LRBA: variants seen among roughly 807,000 people sequenced by gnomAD.
LRBA encodes the protein LPS responsive beige-like anchor protein, also known as lipopolysaccharide-responsive and beige-like anchor protein.
LRBA carries 176 observed loss-of-function variants against 330.0 expected under a neutral mutation model. That is an observed-to-expected ratio of 0.53 (90% CI 0.47 to 0.60). The LOEUF (loss-of-function observed/expected upper bound fraction) is 0.60. Ranked by LOEUF, LRBA falls within the 20% of genes least tolerant of loss-of-function variation. LRBA has a pLI of 0.00. For missense variants in LRBA, 3,259 were observed against 3,444.8 expected, an observed-to-expected ratio of 0.95 and a Z score of 1.35; for synonymous variants, 1,230 against 1,193.0, an observed-to-expected ratio of 1.03 and a Z score of -0.64.
Position 150,583,378 on chromosome 4 carries a change from A to G in LRBA, c.6330+4670T>C. ...GAGCATGTCTCTCTGGGTCGAGTTC[A>G]TCACGGCGTCGGGCTATCTCTCAGC... is the stretch of plus-strand genomic sequence containing the variant. On this transcript the variant is annotated intron_variant, in intron 40 of 56. Coordinates refer to ENST00000651943, the MANE Select transcript of LRBA (RefSeq NM_001364905.1). This position sits in a 1 kb window ranked among gnomAD's most constrained non-coding sequence, Gnocchi z 9.8. 2 of 1,614,140 alleles carry G rather than the reference A, an allele frequency of 1.2e-6. No individual in the cohort carries two copies. The highest frequency in any genetic ancestry group is 1.7e-6 in the Non-Finnish European group (2 of 1,180,040).
At chr4:150,495,350 G>C (rs985076489) in intron 40 of LRBA, among the ~76,000 whole-genome samples, 25 of 152,046 alleles carry the variant, frequency 1.6e-4, no homozygotes. Context: ...AGTTAAACAT[G>C]ACAAAGTCTA....
chr4:150,961,141 G>C (rs879523424), intron 2 of LRBA, among the ~76,000 whole-genome samples: 9 of 149,216 alleles, frequency 6.0e-5, no homozygotes, highest in Non-Finnish European at 1.0e-4. Flanking sequence ...CTGTAGATGA[G>C]ATTCAGCTGT....
intron 2 of LRBA, among the ~76,000 whole-genome samples, chr4:150,985,007 C>T (rs1454178185): frequency 6.6e-6 from 1 of 152,128 alleles, no homozygotes; most frequent in Non-Finnish European, 1.5e-5. Flanking sequence ...CCCGTAATCC[C>T]AGTACTTTGG....
Position 150,277,902 on chromosome 4 carries a change from G to T in LRBA, c.8419C>A (p.Pro2807Thr), listed in dbSNP as rs763461852. The stretch of plus-strand genomic sequence containing the variant: ...GCCCGGATTCCAGCGTCACATCCTG[G>T]ATAGGCAAAGAGCTGCTTGAGGTCC... ...VSDLKQLFAY[P>T]GCDAGIRAMA... is the part of the protein sequence containing the mutation. The change falls in exon 56 of 57, where the codon CCA (proline) becomes ACA (threonine). Residue 2807 changes from proline to threonine, a missense_variant. Coordinates refer to ENST00000651943, the MANE Select transcript of LRBA (RefSeq NM_001364905.1). 5 of 1,614,124 alleles carry T rather than the reference G, an allele frequency of 3.1e-6. 1 individual carries two copies. The South Asian group carries it at 5.5e-5, about 18-fold the overall frequency.
chr4:150,942,857 A>G lies in LRBA; in HGVS notation c.217-13792T>C, dbSNP rs115205982. Among the ~76,000 whole-genome samples, 623 of 152,270 alleles carry G rather than the reference A, an allele frequency of 4.1e-3. 6 individuals carry two copies. Among genetic ancestry groups the G allele is most frequent in the African/African-American group, 0.014 (596 of 41,572 alleles). ...TTCCTTACACCTTCACTAATAATCT[A>G]TTATTTAAGTTAGATTTTTTTTTCT... On this transcript the variant is annotated intron_variant, in intron 2 of 56. Transcript: ENST00000651943.
chr4:150,523,764 G>C (rs924293775), intron 40 of LRBA, among the ~76,000 whole-genome samples: 1 of 152,066 alleles, frequency 6.6e-6, no homozygotes, highest in East Asian at 1.9e-4. Flanking sequence ...AGGGAGGTGG[G>C]AAGAGTAGGA....
At chr4:150,914,060 C>A in intron 9 of LRBA, 135 bp downstream of exon 9, 1 of 622,686 alleles carries the variant, frequency 1.6e-6, no homozygotes, top group Non-Finnish European at 2.7e-6. Flanking sequence ...TATAGTCACC[C>A]TGCTGTGGTA....
At chr4:150,453,816 G>A (rs1037797218) in intron 44 of LRBA, among the ~76,000 whole-genome samples, 8 of 152,084 alleles carry the variant, frequency 5.3e-5, no homozygotes, top group African/African-American at 1.9e-4. Context: ...ACCAGCAAGT[G>A]TTATACATTT....
At chr4:150,758,969 T>C (rs1582262087) in intron 35 of LRBA, among the ~76,000 whole-genome samples, 1 of 151,658 alleles carries the variant, frequency 6.6e-6, no homozygotes, top group East Asian at 2.0e-4. Flanking sequence ...GGCTACATTG[T>C]AGTAGCATGA....
intron 2 of LRBA, among the ~76,000 whole-genome samples, chr4:150,969,544 T>C (rs1040322995): frequency 1.3e-5 from 2 of 152,196 alleles, no homozygotes; most frequent in African/African-American, 4.8e-5. Context: ...CACAACTCAC[T>C]ATAGCCTTGA....
chr4:150,803,005 C>T lies in LRBA; in HGVS notation c.5518+3266G>A, dbSNP rs189836241. Among the ~76,000 whole-genome samples the T allele has an allele frequency of 4.7e-4, 57 of 121,362 alleles. No individual in the cohort carries two copies. In the East Asian group the frequency reaches 0.013, roughly 27 times the overall value. The allele number at this position is 121,362 out of a possible 152,430, so 79.6% of individuals were successfully genotyped here. A position where few individuals can be genotyped will look rare whatever the true frequency, so the allele number is the denominator to read the frequency against. On this transcript the variant is annotated intron_variant, in intron 33 of 56. Transcript: ENST00000651943. Reference sequence around the variant, plus strand: ...CCACTGCACTCCAGCCTGGGTGGCACGGTGAGACTCTGTCTCCAAAAAAAA... The same window carrying T: ...CCACTGCACTCCAGCCTGGGTGGCATGGTGAGACTCTGTCTCCAAAAAAAA...
chr4:151,013,610 C>T (rs1236742719), intron 2 of LRBA: 3 of 152,160 alleles, frequency 2.0e-5, no homozygotes, highest in African/African-American at 7.2e-5. Flanking sequence ...CCTATAGCCA[C>T]AACTACTCAT....
chr4:150,858,383 C>CA (rs940378993), intron 22 of LRBA, among the ~76,000 whole-genome samples: 2 of 142,684 alleles, frequency 1.4e-5, no homozygotes, highest in African/African-American at 5.1e-5. Flanking sequence ...CTCTCTTTTT[C>CA]TTTTTTTTTT....
At chr4:150,848,232 C>A (rs1012350269) in intron 26 of LRBA, among the ~76,000 whole-genome samples, 6 of 152,134 alleles carry the variant, frequency 3.9e-5, no homozygotes, top group Admixed American at 1.3e-4. Context: ...CCAGGCTGGT[C>A]TTGAACTCCT....
intron 36 of LRBA, among the ~76,000 whole-genome samples, chr4:150,710,509 A>G (rs532453935): frequency 1.5e-4 from 23 of 152,092 alleles, no homozygotes; most frequent in Non-Finnish European, 2.6e-4. Flanking sequence ...TAGGGGGAAG[A>G]GGTCCTCAGA....
At position 151,015,277 on chromosome 4, in the gene LRBA, GA is replaced by G. The variant is rs2149683464; in HGVS notation, c.-296del. ...AGGTGGCGGCGGAGATCCAGGGCAG[GA>G]AAAGGCGGGGGAAGGGGGCGGTGAT... On this transcript the variant is annotated 5_prime_UTR_variant, in exon 1 of 57. Transcript: ENST00000651943. 6.5e-6 allele frequency: 1 copy of G among 153,068 alleles called. No individual in the cohort carries two copies. The allele number at this position is 153,068 out of a possible 1,614,324, so 9.5% of individuals were successfully genotyped here.
At chr4:150,323,867 T>C (rs924485741) in intron 49 of LRBA, among the ~76,000 whole-genome samples, 5 of 152,232 alleles carry the variant, frequency 3.3e-5, no homozygotes, top group African/African-American at 9.6e-5. Context: ...CTTTTAATAC[T>C]GGGTACCTCT....
intron 44 of LRBA, among the ~76,000 whole-genome samples, chr4:150,444,686 CT>C (rs1752359656): frequency 6.6e-6 from 1 of 152,170 alleles, no homozygotes; most frequent in Non-Finnish European, 1.5e-5. Flanking sequence ...TACCAGAACA[CT>C]TTTTAATCCC....
At chr4:150,916,940 T>C (rs1314044923) in intron 5 of LRBA, among the ~76,000 whole-genome samples, 2 of 152,046 alleles carry the variant, frequency 1.3e-5, no homozygotes, top group Non-Finnish European at 2.9e-5. Flanking sequence ...CATCACAAGG[T>C]CAGGAGATTG....
Sources: gnomAD v4.1 joint callset for allele counts (sites outside exome capture counted in the v4.1 genomes callset) on GRCh38, gnomAD v4.1.1 for gene constraint, Gnocchi (gnomAD v3.1) non-coding constraint, MANE v1.5 for transcripts, NCBI Gene and HGNC (gene_info 2026-07-23, HGNC 2026-07-21) for gene names.